ARHGAP32: variants seen among roughly 807,000 people sequenced by gnomAD.
ARHGAP32 encodes Rho GTPase activating protein 32.
A neutral mutation model predicts 186.5 loss-of-function variants in ARHGAP32; 51 were observed. The ratio of observed to expected loss-of-function variants is 0.27; its 90% CI spans 0.22 to 0.35. The LOEUF (loss-of-function observed/expected upper bound fraction) is 0.35, where lower values mean the gene tolerates loss of function less well. ARHGAP32 is among the 10% of genes least tolerant of loss of function. ARHGAP32 has a pLI of 1.00. For missense variants in ARHGAP32, 2,186 were observed against 2,623.5 expected, an observed-to-expected ratio of 0.83 and a Z score of 3.64; for synonymous variants, 950 against 964.3, an observed-to-expected ratio of 0.99 and a Z score of 0.27.
rs1945325769 is a variant in ARHGAP32 at position 128,970,290 on chromosome 11, C to T, written c.4923G>A (p.Gln1641=). ...GAGTGACATGATAATCTGAGCGGGC[C>T]TGGGAGGACTGATATGGCTTATATT... ...LYQYKPYQSS[Q]ARSDYHVTQL... Residue 1641 remains glutamine, a synonymous_variant, in exon 23 of 23, where the codon CAG becomes CAA. Transcript: ENST00000682385. The surrounding 1 kb of genome is among the most constrained non-coding windows in gnomAD (Gnocchi z 5.8). 6.2e-7 allele frequency: 1 copy of T among 1,614,092 alleles called. No homozygotes were observed. The highest frequency in any genetic ancestry group is 1.1e-5 in the South Asian group (1 of 91,078).
At chr11:128,998,203 A>T in intron 12 of ARHGAP32, 116 bp downstream of exon 12, 2 of 865,536 alleles carry the variant, frequency 2.3e-6, no homozygotes, top group Non-Finnish European at 3.3e-6. Flanking sequence ...TAGTACATGC[A>T]TTGAACTGAA....
chr11:129,249,189 A>T (rs1430290032), intron 1 of ARHGAP32, among the ~76,000 whole-genome samples: 1 of 152,202 alleles, frequency 6.6e-6, no homozygotes, highest in Non-Finnish European at 1.5e-5. Context: ...TTAAAAATAT[A>T]AAGACACTAC....
At chr11:129,242,672 C>T (rs1180177918) in intron 1 of ARHGAP32, among the ~76,000 whole-genome samples, 1 of 149,190 alleles carries the variant, frequency 6.7e-6, no homozygotes, top group Non-Finnish European at 1.5e-5. Flanking sequence ...GAGCCGAGAT[C>T]ACACCACTGC....
intron 11 of ARHGAP32, among the ~76,000 whole-genome samples, chr11:129,035,420 A>G (rs1318656663): frequency 1.3e-5 from 2 of 152,242 alleles, no homozygotes; most frequent in African/African-American, 2.4e-5. Context: ...TTTGGCATCT[A>G]ACAGTGACAG....
At chr11:129,112,555 T>C (rs1942254647) in intron 5 of ARHGAP32, among the ~76,000 whole-genome samples, 1 of 152,176 alleles carries the variant, frequency 6.6e-6, no homozygotes, top group African/African-American at 2.4e-5. Context: ...TCATGGTACA[T>C]TAAAAACTTT....
intron 11 of ARHGAP32, among the ~76,000 whole-genome samples, chr11:129,035,702 G>T (rs555030539): frequency 4.1e-4 from 62 of 152,112 alleles, no homozygotes; most frequent in Non-Finnish European, 6.8e-4. Context: ...AAATTAGCAG[G>T]TCGTGGCGGC....
At position 129,164,291 on chromosome 11, in the gene ARHGAP32, T is replaced by C. The variant is rs1430426231; in HGVS notation, c.225+28A>G. 7.8e-6 allele frequency: 10 copies of C among 1,290,152 alleles called. No homozygotes were observed. In the East Asian group the frequency reaches 2.5e-4, roughly 32 times the overall value. The allele number at this position is 1,290,152 out of a possible 1,614,324, so 79.9% of individuals were successfully genotyped here. The stretch of plus-strand genomic sequence containing the variant: ...TGCTATATATACATATATATGTATA[T>C]ATGAACAATTGTATAAAACTGATTT... On this transcript the variant is annotated intron_variant, in intron 2 of 22. Transcript: ENST00000682385.
chr11:129,236,866 T>C (rs1287889287), intron 1 of ARHGAP32, among the ~76,000 whole-genome samples: 1 of 152,202 alleles, frequency 6.6e-6, no homozygotes. Context: ...CCCCATTCAG[T>C]ATAATGTTGG....
At chr11:129,042,113 A>C (rs959150447) in intron 10 of ARHGAP32, among the ~76,000 whole-genome samples, 4 of 152,218 alleles carry the variant, frequency 2.6e-5, no homozygotes, top group Non-Finnish European at 5.9e-5. Context: ...TAAACCAGTT[A>C]TCATGAGCTG....
At chr11:129,248,587 C>A (rs1041192166) in intron 1 of ARHGAP32, among the ~76,000 whole-genome samples, 1 of 152,118 alleles carries the variant, frequency 6.6e-6, no homozygotes, top group African/African-American at 2.4e-5. Flanking sequence ...TTTGATTATT[C>A]TTTTGTTGTG....
At chr11:129,178,577 A>G (rs1943974806) in intron 1 of ARHGAP32, among the ~76,000 whole-genome samples, 2 of 151,904 alleles carry the variant, frequency 1.3e-5, no homozygotes, top group African/African-American at 4.8e-5. Flanking sequence ...ACAGCATGGT[A>G]CTGGTACCAA....
intron 6 of ARHGAP32, 56 bp downstream of exon 6, chr11:129,093,565 T>G: frequency 3.3e-6 from 4 of 1,202,840 alleles, no homozygotes; most frequent in Non-Finnish European, 4.8e-6. Flanking sequence ...AATTTAATCA[T>G]CACTCAACCT....
intron 1 of ARHGAP32, among the ~76,000 whole-genome samples, chr11:129,186,967 A>G (rs1944174845): frequency 6.6e-6 from 1 of 152,180 alleles, no homozygotes; most frequent in African/African-American, 2.4e-5. Flanking sequence ...TTCCTCAAAA[A>G]AACTAAAAAT....
In ARHGAP32 at chr11:128,973,228, G is replaced by T. The variant is rs774395472; in HGVS notation, c.3278C>A (p.Thr1093Lys). 1.9e-6 allele frequency: 3 copies of T among 1,614,092 alleles called. No homozygotes were observed. The African/African-American group carries it at 4.0e-5, about 22-fold the overall frequency. The change falls in exon 22 of 23, where the codon ACA becomes AAA. Residue 1093 changes from threonine (T) to lysine (K), a missense_variant. Physicochemically the swap from Thr to Lys is moderately conservative, Grantham distance 78. This residue lies in a region of ARHGAP32 where 1,502 missense variants were observed against 1,570.0 expected (regional missense o/e 0.96). Coordinates refer to ENST00000682385, the MANE Select transcript of ARHGAP32 (RefSeq NM_001378024.1). ...YTNYGDIAVA[T>K]TEDNLSSSYS... ...AGAACTGGACAGATTATCTTCAGTT[G>T]TAGCCACCGCTATGTCTCCATAATT... is the stretch of plus-strand genomic sequence containing the variant.
chr11:129,113,148 A>AT (rs1426520673), intron 5 of ARHGAP32, among the ~76,000 whole-genome samples: 1 of 152,142 alleles, frequency 6.6e-6, no homozygotes, highest in East Asian at 1.9e-4. Flanking sequence ...TCGTGGTGTT[A>AT]TTCAAGGTTT....
chr11:129,266,983 G>A (rs149566446), intron 1 of ARHGAP32, among the ~76,000 whole-genome samples: 9 of 152,300 alleles, frequency 5.9e-5, no homozygotes, highest in African/African-American at 2.2e-4. Flanking sequence ...GCTGTTTGGA[G>A]GGTGTACAGG....
intron 1 of ARHGAP32, among the ~76,000 whole-genome samples, chr11:129,178,524 A>G (rs529603704): frequency 1.6e-4 from 24 of 152,252 alleles, no homozygotes; most frequent in African/African-American, 3.1e-4. Context: ...GAGACATCAC[A>G]CTACCTGACT....
chr11:129,275,452 G>T (rs538802656), intron 1 of ARHGAP32, among the ~76,000 whole-genome samples: 180 of 152,224 alleles, frequency 1.2e-3, no homozygotes, highest in Non-Finnish European at 2.0e-3. Flanking sequence ...TATCATAGCT[G>T]GTATGTGAAC....
At chr11:129,099,577 G>C (rs1941831537) in intron 5 of ARHGAP32, among the ~76,000 whole-genome samples, 2 of 152,130 alleles carry the variant, frequency 1.3e-5, no homozygotes, top group Admixed American at 1.3e-4. Context: ...TACACAAATA[G>C]ATTGAAAGTG....
Sources: allele counts gnomAD v4.1 joint callset (sites outside exome capture counted in the v4.1 genomes callset), GRCh38; gene constraint gnomAD v4.1.1; regional missense constraint gnomAD v4.1.1; non-coding constraint Gnocchi (gnomAD v3.1); transcripts MANE v1.5; gene names NCBI Gene and HGNC (gene_info 2026-07-23, HGNC 2026-07-21).